Variants in SEL1L3 observed in about 807,000 individuals in gnomAD.
The protein encoded by SEL1L3 is SEL1L family member 3, also known as protein sel-1 homolog 3.
A neutral mutation model predicts 142.8 loss-of-function variants in SEL1L3; 76 were observed. The ratio of observed to expected loss-of-function variants is 0.53; its 90% confidence interval spans 0.44 to 0.64. SEL1L3 has a LOEUF of 0.64. Ranked by LOEUF, SEL1L3 falls within the 30% of genes least tolerant of loss-of-function variation. SEL1L3 has a pLI of 0.00. For synonymous variants in SEL1L3, 504 were observed against 519.6 expected (o/e 0.97, Z 0.41); for missense variants, 1,262 against 1,381.7 (o/e 0.91, Z 1.37).
In SEL1L3 at chr4:25,788,386, G is replaced by A; in HGVS notation, c.2077-22C>T. 1 of 1,612,590 alleles carries A rather than the reference G, an allele frequency of 6.2e-7. No homozygotes were observed. The highest frequency in any genetic ancestry group is 1.1e-5 in the South Asian group (1 of 90,930). ...GTTGCTTAAAGATAATAGCAATTTAGAACAATGACTTTTCCTGTATAATGC... is the reference window on the plus strand; with the variant it reads ...GTTGCTTAAAGATAATAGCAATTTAAAACAATGACTTTTCCTGTATAATGC... On this transcript the variant is annotated intron_variant, in intron 12 of 23. Transcript: ENST00000399878. This position sits in a 1 kb window ranked among gnomAD's most constrained non-coding sequence, Gnocchi z 5.3.
chr4:25,810,662 C>T (rs1577641146), intron 9 of SEL1L3, among the ~76,000 whole-genome samples: 4 of 152,178 alleles, frequency 2.6e-5, no homozygotes, highest in Admixed American at 2.0e-4. Context: ...TAGAATTTGA[C>T]CAATCAGAGT....
the SEL1L3 span, among the ~76,000 whole-genome samples, chr4:25,735,935 T>C: frequency 6.7e-6 from 1 of 149,050 alleles, no homozygotes; most frequent in Non-Finnish European, 1.5e-5. Flanking sequence ...GTTCATGCCA[T>C]TCTCCCACCT....
chr4:25,792,186 G>A (rs1712384629), intron 11 of SEL1L3, among the ~76,000 whole-genome samples: 1 of 152,144 alleles, frequency 6.6e-6, no homozygotes, highest in African/African-American at 2.4e-5. Flanking sequence ...TTTGAGATAC[G>A]TGGTATTTTT....
At chr4:25,784,543 C>T (rs1711650197) in intron 13 of SEL1L3, among the ~76,000 whole-genome samples, 1 of 152,160 alleles carries the variant, frequency 6.6e-6, no homozygotes, top group African/African-American at 2.4e-5. Flanking sequence ...AGTTGCAACC[C>T]TGTCAATCCA....
At chr4:25,782,650 G>A (rs1328993187) in intron 14 of SEL1L3, among the ~76,000 whole-genome samples, 1 of 152,152 alleles carries the variant, frequency 6.6e-6, no homozygotes, top group Admixed American at 6.6e-5. Flanking sequence ...TTCCATCTCT[G>A]CAGCAATGTT....
intron 1 of SEL1L3, among the ~76,000 whole-genome samples, chr4:25,856,608 A>AAAAAAC (rs1717283006): frequency 6.6e-6 from 1 of 151,028 alleles, no homozygotes; most frequent in African/African-American, 2.5e-5. Flanking sequence ...AAAAAAAAAA[A>AAAAAAC]AAAAACAAAG....
chr4:25,835,190 T>C lies in SEL1L3; in HGVS notation c.860+7A>G, dbSNP rs775511837. 7 of 1,613,752 alleles carry C rather than the reference T, an allele frequency of 4.3e-6. No homozygotes were observed. Among genetic ancestry groups the C allele is most frequent in the Non-Finnish European group, 5.1e-6 (6 of 1,179,798 alleles). Reference sequence around the variant, plus strand: ...CCGATCAGCTCCCTTCTGCTACCCATCCTTACACTGGGTAATCCATCCTCT... The same window carrying C: ...CCGATCAGCTCCCTTCTGCTACCCACCCTTACACTGGGTAATCCATCCTCT... On this transcript the variant is annotated splice_region_variant and intron_variant, in intron 3 of 23. Transcript: ENST00000399878.
intron 23 of SEL1L3, 74 bp downstream of exon 23, chr4:25,757,456 CCAAA>C (rs869229237): frequency 0.011 from 5,884 of 518,626 alleles, 4 homozygotes; most frequent in East Asian, 0.022. Flanking sequence ...TTCCAGTAGA[CCAAA>C]AAAAAAAAAA....
intron 13 of SEL1L3, among the ~76,000 whole-genome samples, chr4:25,785,951 T>C (rs753479163): frequency 2.6e-5 from 4 of 152,214 alleles, no homozygotes; most frequent in Non-Finnish European, 4.4e-5. Context: ...ATACCCGCTA[T>C]TGAGTCAAAA....
the SEL1L3 span, among the ~76,000 whole-genome samples, chr4:25,728,798 G>A: frequency 2.0e-5 from 3 of 151,208 alleles, no homozygotes; most frequent in East Asian, 1.9e-4. Context: ...GCTTGAGCCC[G>A]GGAGGCAGAG....
At chr4:25,835,392 C>T in intron 2 of SEL1L3, 69 bp from the exon 3 acceptor site, 1 of 1,555,972 alleles carries the variant, frequency 6.4e-7, no homozygotes, top group Non-Finnish European at 8.8e-7. Context: ...CCACATTCAT[C>T]CTGAAAGCCT....
chr4:25,789,285 G>C (rs1712102855), intron 12 of SEL1L3, among the ~76,000 whole-genome samples: 1 of 152,112 alleles, frequency 6.6e-6, no homozygotes, highest in Non-Finnish European at 1.5e-5. Flanking sequence ...AGGGAGACCT[G>C]TTATAGAAGA....
At chr4:25,863,303 T>C (rs1717880636), upstream of SEL1L3, 3 of 261,486 alleles carry the variant, frequency 1.1e-5, no homozygotes, top group South Asian at 7.9e-5. Context: ...CTCCTCTCCC[T>C]CCGGCTCCCT....
At chr4:25,852,053 A>G (rs1019917976) in intron 1 of SEL1L3, among the ~76,000 whole-genome samples, 6 of 152,076 alleles carry the variant, frequency 3.9e-5, no homozygotes, top group Non-Finnish European at 4.4e-5. Context: ...CACCCCCCCC[A>G]GGAGAGGTTT....
intron 17 of SEL1L3, among the ~76,000 whole-genome samples, chr4:25,768,524 C>A (rs533599422): frequency 2.6e-5 from 4 of 152,150 alleles, no homozygotes; most frequent in African/African-American, 9.7e-5. Context: ...GAAGGACAGG[C>A]GGGAGGAGTC....
chr4:25,822,175 AT>A, intron 6 of SEL1L3, 47 bp from the exon 7 acceptor site: 1 of 1,609,926 alleles, frequency 6.2e-7, no homozygotes, highest in South Asian at 1.1e-5. Flanking sequence ...CCGGAACTAG[AT>A]GATTTAAAAA....
chr4:25,860,401 C>T (rs1717620751), intron 1 of SEL1L3, among the ~76,000 whole-genome samples: 1 of 152,192 alleles, frequency 6.6e-6, no homozygotes, highest in South Asian at 2.1e-4. Context: ...AAAATGCACA[C>T]AATTATACAT....
intron 17 of SEL1L3, among the ~76,000 whole-genome samples, chr4:25,775,457 T>G (rs1453605029): frequency 6.6e-6 from 1 of 152,264 alleles, no homozygotes; most frequent in African/African-American, 2.4e-5. Flanking sequence ...ATGCTGAGTC[T>G]CAGCTAATGT....
intron 9 of SEL1L3, among the ~76,000 whole-genome samples, chr4:25,814,182 GA>G (rs35388852): frequency 0.27 from 40,003 of 150,194 alleles, 6,189 homozygotes; most frequent in Admixed American, 0.34. Context: ...AAAAATTCCA[GA>G]AAAAAAAAAT....
Sources: gnomAD v4.1 joint callset for allele counts (sites outside exome capture counted in the v4.1 genomes callset) on GRCh38, gnomAD v4.1.1 for gene constraint, Gnocchi (gnomAD v3.1) non-coding constraint, MANE v1.5 for transcripts, NCBI Gene and HGNC (gene_info 2026-07-23, HGNC 2026-07-21) for gene names.